Variants in PEX13 observed in about 807,000 individuals in gnomAD.
PEX13 encodes the protein peroxisome biogenesis factor 13.
Under a neutral mutation model 34.5 loss-of-function variants are expected in PEX13, and 28 were observed. That is an observed-to-expected ratio of 0.81 (90% CI 0.60 to 1.11). The LOEUF (loss-of-function observed/expected upper bound fraction) is 1.11, where lower values mean the gene tolerates loss of function less well. Among genes scored for constraint, PEX13 ranks in the 50% most tolerant of loss-of-function variants. The probability of loss-of-function intolerance (pLI) is 0.00; values close to 1 mark genes in which losing one functional copy is unlikely to be tolerated. For missense variants in PEX13, 550 were observed against 491.0 expected (o/e 1.12, Z -1.13); for synonymous variants, 177 against 175.1 (o/e 1.01, Z -0.09).
At chr2:61,025,439 A>G (rs964336043) in intron 1 of PEX13, among the ~76,000 whole-genome samples, 1 of 151,780 alleles carries the variant, frequency 6.6e-6, no homozygotes, top group Non-Finnish European at 1.5e-5. Context: ...GCTCACTACA[A>G]CCCCTGTCAC....
In PEX13 at chr2:61,047,485, A is replaced by G. The variant is rs573214183; in HGVS notation, c.914-987A>G. ...TATTTTTCTTATAGGGAAAATAGCA[A>G]TTTACTATTTTGGATTTCAAACGAA... On this transcript the variant is annotated intron_variant, in intron 3 of 3. Transcript: ENST00000295030. 1.4e-4 allele frequency among the ~76,000 whole-genome samples: 21 copies of G among 152,326 alleles called. No homozygotes were observed. The South Asian group carries it at 4.3e-3, about 32-fold the overall frequency.
At position 61,045,717 on chromosome 2, in the gene PEX13, G is replaced by C. The variant is rs1680695307; in HGVS notation, c.788-9G>C. On this transcript the variant is annotated splice_polypyrimidine_tract_variant and intron_variant, in intron 2 of 3. Coordinates refer to ENST00000295030, the MANE Select transcript of PEX13 (RefSeq NM_002618.4). ...AATTTTATTAACCTAATTTTAATTTGGCTTATAGACAGCATCAACTGGGCA... is the reference window on the plus strand; with the variant it reads ...AATTTTATTAACCTAATTTTAATTTCGCTTATAGACAGCATCAACTGGGCA... 2 of 1,611,664 alleles carry C rather than the reference G, an allele frequency of 1.2e-6. No individual in the cohort carries two copies. Among genetic ancestry groups the C allele is most frequent in the Non-Finnish European group, 1.7e-6 (2 of 1,177,960 alleles).
At chr2:61,025,196 G>C (rs958387235) in intron 1 of PEX13, among the ~76,000 whole-genome samples, 1 of 151,614 alleles carries the variant, frequency 6.6e-6, no homozygotes, top group Admixed American at 6.6e-5. Flanking sequence ...AGCCTCCCCC[G>C]TAGCTGGGAT....
intron 1 of PEX13, 167 bp downstream of exon 1, chr2:61,018,018 T>C (rs905229324): frequency 7.2e-7 from 1 of 1,387,978 alleles, no homozygotes; most frequent in Non-Finnish European, 9.6e-7. Flanking sequence ...CAGTGGGGAC[T>C]TTAGTGTCTC....
chr2:61,041,431 A>G (rs1339905353), intron 2 of PEX13, among the ~76,000 whole-genome samples: 1 of 152,206 alleles, frequency 6.6e-6, no homozygotes, highest in Non-Finnish European at 1.5e-5. Context: ...GAAGAACAGA[A>G]GTAGAACCAT....
intron 1 of PEX13, among the ~76,000 whole-genome samples, chr2:61,020,442 G>T (rs1358573537): frequency 6.6e-6 from 1 of 151,694 alleles, no homozygotes; most frequent in Admixed American, 6.6e-5. Context: ...CTCTTAATTA[G>T]TTCTGATGGT....
chr2:61,040,584 CA>C (rs1333221021), intron 2 of PEX13, among the ~76,000 whole-genome samples: 1 of 151,620 alleles, frequency 6.6e-6, no homozygotes, highest in Non-Finnish European at 1.5e-5. Context: ...TGGGGCCTGT[CA>C]GGGGGTGGAG....
Position 61,031,965 on chromosome 2 carries a change from G to A in PEX13, c.639G>A (p.Glu213=), listed in dbSNP as rs777768991. 1 of 1,614,102 alleles carries A rather than the reference G, an allele frequency of 6.2e-7. No individual in the cohort carries two copies. Among genetic ancestry groups the A allele is most frequent in the Non-Finnish European group, 8.5e-7 (1 of 1,179,948 alleles). The part of the protein sequence containing the change: ...RGSENEDLWA[E]SEGTVACLGA... The stretch of plus-strand genomic sequence containing the variant: ...CTGAGAATGAAGACCTCTGGGCAGA[G>A]AGTGAAGGAACTGTGGCATGCCTTG... Residue 213 remains glutamate (E), a synonymous_variant, in exon 2 of 4, where the codon GAG becomes GAA. Transcript: ENST00000295030.
chr2:61,030,287 C>A (rs771062335), intron 1 of PEX13, among the ~76,000 whole-genome samples: 28 of 152,134 alleles, frequency 1.8e-4, no homozygotes, highest in Non-Finnish European at 3.4e-4. Context: ...CTGGCACTAT[C>A]ACAGTCATTT....
At chr2:61,047,425 A>T (rs1680721678) in intron 3 of PEX13, among the ~76,000 whole-genome samples, 1 of 152,210 alleles carries the variant, frequency 6.6e-6, no homozygotes, top group Non-Finnish European at 1.5e-5. Context: ...AGGTGCTGGA[A>T]TTACAGATGT....
At chr2:61,019,120 C>T (rs958534973) in intron 1 of PEX13, 1 of 151,978 alleles carries the variant, frequency 6.6e-6, no homozygotes, top group Non-Finnish European at 1.5e-5. Context: ...TTTCGCATAC[C>T]CAGTAATGTT....
chr2:61,019,397 A>G (rs1310874453), intron 1 of PEX13, among the ~76,000 whole-genome samples: 5 of 151,800 alleles, frequency 3.3e-5, no homozygotes, highest in African/African-American at 9.7e-5. Context: ...CTTTATATTT[A>G]TGTTCAATTT....
intron 2 of PEX13, among the ~76,000 whole-genome samples, chr2:61,039,855 C>CTAA (rs1167430535): frequency 2.0e-5 from 3 of 151,744 alleles, no homozygotes; most frequent in African/African-American, 7.3e-5. Context: ...TGACAAAGGG[C>CTAA]TAATGTCTAG....
chr2:61,018,441 C>A, intron 1 of PEX13: 2 of 916,498 alleles, frequency 2.2e-6, no homozygotes, highest in Non-Finnish European at 3.1e-6. Context: ...ACTTTGTGTG[C>A]AAAATAGTGT....
chr2:61,033,839 A>G (rs1177768812), intron 2 of PEX13, among the ~76,000 whole-genome samples: 1 of 152,176 alleles, frequency 6.6e-6, no homozygotes, highest in Non-Finnish European at 1.5e-5. Flanking sequence ...TGATTGGAGC[A>G]AAGTGTTAGT....
chr2:61,021,507 A>T (rs1461716203), intron 1 of PEX13, among the ~76,000 whole-genome samples: 1 of 152,030 alleles, frequency 6.6e-6, no homozygotes, highest in African/African-American at 2.4e-5. Flanking sequence ...AGGTAAACAG[A>T]GCGCCCAGGA....
chr2:61,018,257 C>T (rs765172987), intron 1 of PEX13: 12 of 1,550,964 alleles, frequency 7.7e-6, no homozygotes, highest in Non-Finnish European at 1.0e-5. Flanking sequence ...AAAGTCTCTC[C>T]TTAAAGGTGT....
chr2:61,027,273 A>G (rs1680373627), intron 1 of PEX13, among the ~76,000 whole-genome samples: 1 of 148,116 alleles, frequency 6.8e-6, no homozygotes, highest in Non-Finnish European at 1.5e-5. Flanking sequence ...TAGGAGTTTG[A>G]GGTTGCAGTG....
intron 1 of PEX13, among the ~76,000 whole-genome samples, chr2:61,024,169 TTTCTC>T (rs774642472): frequency 6.6e-6 from 1 of 152,204 alleles, no homozygotes; most frequent in Non-Finnish European, 1.5e-5. Flanking sequence ...TTCAATATTT[TTTCTC>T]TGTTTTAGTT....
Sources: allele counts gnomAD v4.1 joint callset (sites outside exome capture counted in the v4.1 genomes callset), GRCh38; gene constraint gnomAD v4.1.1; transcripts MANE v1.5; gene names NCBI Gene and HGNC (gene_info 2026-07-23, HGNC 2026-07-21).